Variants in NOX4 observed in about 807,000 individuals in gnomAD.
NOX4 encodes kidney oxidase-1.
NOX4 carries 69 observed loss-of-function variants against 87.6 expected under a neutral mutation model. The ratio of observed to expected loss-of-function variants is 0.79; its 90% CI spans 0.65 to 0.96. The LOEUF (loss-of-function observed/expected upper bound fraction) is 0.96. NOX4 is among the 40% of genes least tolerant of loss of function. NOX4 has a pLI of 0.00. For missense variants in NOX4, 680 were observed against 681.5 expected (o/e 1.00, Z 0.02); for synonymous variants, 275 against 238.2 (o/e 1.15, Z -1.42).
chr11:89,571,733 C>T, the NOX4 span, among the ~76,000 whole-genome samples: 1 of 150,536 alleles, frequency 6.6e-6, no homozygotes, highest in South Asian at 2.1e-4. Context: ...AATTACTAAG[C>T]CAAGGGAAAA....
chr11:89,550,527 T>C, the NOX4 span, among the ~76,000 whole-genome samples: 1 of 152,202 alleles, frequency 6.6e-6, no homozygotes, highest in Admixed American at 6.5e-5. Context: ...GGTTTTGATG[T>C]GCACTTCCCT....
At chr11:89,415,347 A>T (rs908391051) in intron 8 of NOX4, among the ~76,000 whole-genome samples, 11 of 152,096 alleles carry the variant, frequency 7.2e-5, no homozygotes, top group Non-Finnish European at 1.5e-4. Context: ...GAAGAAAAAA[A>T]ATGCCCCAGT....
At chr11:89,354,122 AGAATTTG>A (rs1937796834) in intron 13 of NOX4, among the ~76,000 whole-genome samples, 1 of 152,252 alleles carries the variant, frequency 6.6e-6, no homozygotes, top group South Asian at 2.1e-4. Flanking sequence ...AAGCGATGAA[AGAATTTG>A]GCATAGTGAT....
chr11:89,504,293 GACA>G, the NOX4 span, among the ~76,000 whole-genome samples: 1 of 151,904 alleles, frequency 6.6e-6, no homozygotes, highest in Non-Finnish European at 1.5e-5. Context: ...ACACTGGGGA[GACA>G]GACAGCGTCA....
chr11:89,413,297 C>T (rs1942581687), intron 8 of NOX4, among the ~76,000 whole-genome samples: 1 of 152,088 alleles, frequency 6.6e-6, no homozygotes, highest in Non-Finnish European at 1.5e-5. Flanking sequence ...AAAAACAGAA[C>T]TACCATATGA....
At chr11:89,346,483 AC>A (rs1055621977) in intron 13 of NOX4, among the ~76,000 whole-genome samples, 17 of 151,384 alleles carry the variant, frequency 1.1e-4, no homozygotes, top group African/African-American at 3.9e-4. Flanking sequence ...AAAAAAAAAA[AC>A]CCCAAATAAA....
rs56061986 is a variant in NOX4, at chr11:89,449,518, T to C, written c.271A>G (p.Ser91Gly). The C allele has an allele frequency of 2.5e-3, 3,966 of 1,610,398 alleles. 8 individuals are homozygous for C. Among genetic ancestry groups the C allele is most frequent in the Non-Finnish European group, 3.0e-3 (3,513 of 1,177,452 alleles). ...TCCAACAATCTCCTGGTTCTCCTGC[T>C]TGGAACCTAAACAAAAATCATTTAA... is the stretch of plus-strand genomic sequence containing the variant. Reference protein sequence around the residue: ...AYLRGSQKVPSRRTRRLLDKS... With the variant: ...AYLRGSQKVPGRRTRRLLDKS... The change falls in exon 4 of 18, where the codon AGC (serine) becomes GGC (glycine). Residue 91 changes from serine to glycine, a missense_variant. By Grantham distance (56) the Ser-to-Gly change is moderately conservative. Coordinates refer to ENST00000263317, the MANE Select transcript of NOX4 (RefSeq NM_016931.5).
intron 11 of NOX4, among the ~76,000 whole-genome samples, chr11:89,387,149 C>A (rs1940772750): frequency 6.6e-6 from 1 of 152,012 alleles, no homozygotes; most frequent in Non-Finnish European, 1.5e-5. Context: ...AACACTTTAC[C>A]ACTATTTTGT....
In NOX4 at chr11:89,342,208, GA is replaced by G; in HGVS notation, c.1218-16del. Reference sequence around the variant, plus strand: ...CAATATACAGCCTGTAGAGCAGTCAGAAAAAGGTGGGAAAAAAATGAAAATA... The same window carrying G: ...CAATATACAGCCTGTAGAGCAGTCAGAAAAGGTGGGAAAAAAATGAAAATA... On this transcript the variant is annotated splice_polypyrimidine_tract_variant and intron_variant, in intron 13 of 17. Transcript: ENST00000263317. 2 of 1,587,696 alleles carry G rather than the reference GA, an allele frequency of 1.3e-6. No individual in the cohort carries two copies. Among genetic ancestry groups the G allele is most frequent in the Non-Finnish European group, 1.7e-6 (2 of 1,167,330 alleles).
At chr11:89,572,104 A>C in the NOX4 span, among the ~76,000 whole-genome samples, 2,185 of 152,294 alleles carry the variant, frequency 0.014, 42 homozygotes, top group African/African-American at 0.046. Flanking sequence ...TTGATGTCTC[A>C]TGTCTCCCTA....
At chr11:89,568,576 G>A in the NOX4 span, among the ~76,000 whole-genome samples, 1 of 152,294 alleles carries the variant, frequency 6.6e-6, no homozygotes, top group East Asian at 1.9e-4. Flanking sequence ...TCTGTAGGAA[G>A]AATCAATATT....
At chr11:89,496,846 T>A (rs1946959703), upstream of NOX4, among the ~76,000 whole-genome samples, 1 of 152,222 alleles carries the variant, frequency 6.6e-6, no homozygotes, top group Admixed American at 6.5e-5. Context: ...CTTTATTTGT[T>A]CCTTAAATCT....
the NOX4 span, among the ~76,000 whole-genome samples, chr11:89,572,557 T>C: frequency 6.6e-6 from 1 of 152,154 alleles, no homozygotes; most frequent in Non-Finnish European, 1.5e-5. Context: ...GTTTTGTTTT[T>C]CTGTTTTTTT....
At chr11:89,514,705 G>C in the NOX4 span, among the ~76,000 whole-genome samples, 1 of 151,802 alleles carries the variant, frequency 6.6e-6, no homozygotes, top group Admixed American at 6.6e-5. Context: ...TTTATAAAAT[G>C]CTTTTTCTGT....
At chr11:89,406,998 G>A (rs1346272138) in intron 8 of NOX4, among the ~76,000 whole-genome samples, 1 of 152,010 alleles carries the variant, frequency 6.6e-6, no homozygotes, top group Non-Finnish European at 1.5e-5. Flanking sequence ...GAAGCCATAT[G>A]CACAAAGGTA....
rs115693579 is a variant in NOX4, at chr11:89,471,602, T to C, written c.153+18856A>G. Among the ~76,000 whole-genome samples the C allele has an allele frequency of 8.6e-3, 1,311 of 152,288 alleles. 17 individuals carry two copies. Among genetic ancestry groups the C allele is most frequent in the African/African-American group, 0.03 (1,248 of 41,560 alleles). ...CTAGGTTCATATCATTAATAAATTA[T>C]AATGGGAATAAAAATTTTGAATATA... is the stretch of plus-strand genomic sequence containing the variant. On this transcript the variant is annotated intron_variant, in intron 2 of 17. Transcript: ENST00000263317.
upstream of NOX4, among the ~76,000 whole-genome samples, chr11:89,493,112 C>G (rs1244076539): frequency 6.6e-6 from 1 of 152,172 alleles, no homozygotes; most frequent in African/African-American, 2.4e-5. Context: ...GACTGCCGGG[C>G]GCGGTGGCTC....
At chr11:89,566,955 T>C in the NOX4 span, among the ~76,000 whole-genome samples, 2 of 152,056 alleles carry the variant, frequency 1.3e-5, no homozygotes, top group African/African-American at 4.8e-5. Flanking sequence ...CTTGGAGAAG[T>C]GTCAGCCTTT....
At chr11:89,520,727 C>A in the NOX4 span, among the ~76,000 whole-genome samples, 1 of 152,004 alleles carries the variant, frequency 6.6e-6, no homozygotes, top group Non-Finnish European at 1.5e-5. Context: ...GAAATAAAAT[C>A]ATCCAAATAG....
Sources: allele counts gnomAD v4.1 joint callset (sites outside exome capture counted in the v4.1 genomes callset), GRCh38; gene constraint gnomAD v4.1.1; transcripts MANE v1.5; gene names NCBI Gene and HGNC (gene_info 2026-07-23, HGNC 2026-07-21).